IFT122: variants seen among roughly 807,000 people sequenced by gnomAD.
IFT122 encodes the protein intraflagellar transport protein 122 homolog.
In IFT122, 118 loss-of-function variants were observed where a neutral mutation model predicts 161.6. The ratio of observed to expected loss-of-function variants is 0.73; its 90% CI spans 0.63 to 0.85. The LOEUF is 0.85. Ranked by LOEUF, IFT122 falls within the 40% of genes least tolerant of loss-of-function variation. IFT122 has a pLI of 0.00. For missense variants in IFT122, 1,381 were observed against 1,579.6 expected, an observed-to-expected ratio of 0.87 and a Z score of 2.13; for synonymous variants, 550 against 602.4, an observed-to-expected ratio of 0.91 and a Z score of 1.27.
In IFT122 at chr3:129,454,513, T is replaced by TTGTGTGTGTGTGTGTGTGTG. The variant is rs61557048; in HGVS notation, c.193+2540_193+2559dup. 2.9e-4 allele frequency among the ~76,000 whole-genome samples: 38 copies of TTGTGTGTGTGTGTGTGTGTG among 131,274 alleles called. 1 individual carries two copies. Among genetic ancestry groups the TTGTGTGTGTGTGTGTGTGTG allele is most frequent in the African/African-American group, 1.1e-3 (35 of 32,992 alleles). 86.1% of individuals were successfully genotyped at this position (131,274 alleles called of 152,430 possible). ...GTGTGCTGTACCATGGTAGTCATAT[T>TTGTGTGTGTGTGTGTGTGTG]TGTGTGTGTGTGTGTGTGTGTGTGT... On this transcript the variant is annotated intron_variant, in intron 3 of 29. Coordinates refer to ENST00000348417, the MANE Select transcript of IFT122 (RefSeq NM_052989.3).
At chr3:129,462,199 T>C (rs1363148032) in intron 5 of IFT122, among the ~76,000 whole-genome samples, 1 of 152,246 alleles carries the variant, frequency 6.6e-6, no homozygotes, top group African/African-American at 2.4e-5. Context: ...ATTTTCTTCA[T>C]GTGAAGCACT....
chr3:129,499,918 G>A lies in IFT122; in HGVS notation c.2225G>A (p.Gly742Glu), dbSNP rs751777295. 1 of 1,614,142 alleles carries A rather than the reference G, an allele frequency of 6.2e-7. No homozygotes were observed. Among genetic ancestry groups the A allele is most frequent in the South Asian group, 1.1e-5 (1 of 91,080 alleles). Residue 742 changes from glycine to glutamate, a missense_variant, in exon 19 of 30, where the codon GGA becomes GAA. Physicochemically the swap from Gly to Glu is moderately conservative, Grantham distance 98. Around this residue, in one of 7 missense-constraint regions of IFT122, gnomAD observed 496 missense variants for 502.5 expected, o/e 0.99. Transcript: ENST00000348417. ...CTTCCTCAGGATTTCCTTGGATCTG[G>A]AGACCCCAAAGAAACAAAGATGCTA... ...FEYAKDFLGS[G>E]DPKETKMLIT... is the part of the protein sequence containing the mutation.
At chr3:129,473,504 T>G (rs2077584255) in intron 9 of IFT122, among the ~76,000 whole-genome samples, 1 of 152,236 alleles carries the variant, frequency 6.6e-6, no homozygotes, top group Non-Finnish European at 1.5e-5. Context: ...TGTATATATG[T>G]TTAAGCAGGC....
chr3:129,520,364 C>G lies in IFT122; in HGVS notation c.*99C>G. 2.0e-6 allele frequency: 2 copies of G among 995,672 alleles called. No homozygotes were observed. The highest frequency in any genetic ancestry group is 3.1e-6 in the Non-Finnish European group (2 of 652,682). 61.7% of individuals were successfully genotyped at this position (995,672 alleles called of 1,614,324 possible). ...TAAACTGTCAGAATGTGTTTCTTGC[C>G]CAGATGAAGTTTGTGTTTTGTGGGG... On this transcript the variant is annotated 3_prime_UTR_variant, in exon 30 of 30. Transcript: ENST00000348417.
In IFT122 at chr3:129,502,817, T is replaced by C. The variant is rs1298243007; in HGVS notation, c.2482T>C (p.Tyr828His). 10 of 1,613,220 alleles carry C rather than the reference T, an allele frequency of 6.2e-6. No individual in the cohort carries two copies. In the East Asian group the frequency reaches 8.9e-5, roughly 14 times the overall value. ...LDSPGYAAET[Y>H]LKMGDLKSLV... Reference sequence around the variant, plus strand: ...CAGCCCTGGCTATGCTGCTGAGACCTACCTGAAGATGGGTGACCTCAAGTC... The same window carrying C: ...CAGCCCTGGCTATGCTGCTGAGACCCACCTGAAGATGGGTGACCTCAAGTC... The change falls in exon 20 of 30, where the codon TAC becomes CAC. Residue 828 changes from tyrosine to histidine, a missense_variant. This residue lies in a region of IFT122 where 496 missense variants were observed against 502.5 expected (regional missense o/e 0.99). Coordinates refer to ENST00000348417, the MANE Select transcript of IFT122 (RefSeq NM_052989.3).
At chr3:129,498,631 T>C (rs1404921389) in intron 18 of IFT122, among the ~76,000 whole-genome samples, 4 of 152,140 alleles carry the variant, frequency 2.6e-5, no homozygotes, top group Non-Finnish European at 5.9e-5. Context: ...GAAAGCACAT[T>C]TACCCTGAAA....
At position 129,505,660 on chromosome 3, in the gene IFT122, A is replaced by G. The variant is rs551627036; in HGVS notation, c.2651-749A>G. Among the ~76,000 whole-genome samples, 9 of 152,360 alleles carry G rather than the reference A, an allele frequency of 5.9e-5. No individual in the cohort carries two copies. In the South Asian group the frequency reaches 1.7e-3, roughly 28 times the overall value. On this transcript the variant is annotated intron_variant, in intron 21 of 29. Coordinates refer to ENST00000348417, the MANE Select transcript of IFT122 (RefSeq NM_052989.3). ...TGAGTGCTCTCATATGGCAAGTGTC[A>G]TGGCTACAAGTGCTTCACTGGCAGC...
intron 16 of IFT122, among the ~76,000 whole-genome samples, chr3:129,489,127 A>G (rs2079703960): frequency 6.6e-6 from 1 of 152,096 alleles, no homozygotes; most frequent in Non-Finnish European, 1.5e-5. Context: ...CAGTCAATTA[A>G]TGAGCTGCTC....
At chr3:129,499,824 T>C (rs2081323345) in intron 18 of IFT122, 78 bp from the exon 19 acceptor site, 15 of 1,575,766 alleles carry the variant, frequency 9.5e-6, no homozygotes, top group Non-Finnish European at 1.3e-5. Flanking sequence ...AGCCCGCCCT[T>C]GCTGCTAGAA....
intron 24 of IFT122, 93 bp from the exon 25 acceptor site, chr3:129,514,296 C>G: frequency 7.1e-7 from 1 of 1,399,158 alleles, no homozygotes; most frequent in Non-Finnish European, 1.0e-6. Flanking sequence ...CCAGCACAAG[C>G]TGTGTTCCAG....
At chr3:129,479,644 C>T (rs919458014) in intron 12 of IFT122, 141 bp from the exon 13 acceptor site, 15 of 1,019,374 alleles carry the variant, frequency 1.5e-5, no homozygotes, top group South Asian at 9.4e-5. Flanking sequence ...CGATGCCAAT[C>T]GTGGGGTCTA....
chr3:129,454,513 TTGTGTGTGTGTGTG>T (rs61557048), intron 3 of IFT122, among the ~76,000 whole-genome samples: 40 of 131,278 alleles, frequency 3.0e-4, no homozygotes, highest in East Asian at 2.6e-3. Flanking sequence ...GTAGTCATAT[TTGTGTGTGTGTGTG>T]TGTGTGTGTG....
intron 3 of IFT122, chr3:129,456,034 G>GTACATGTGTACA: frequency 4.5e-6 from 2 of 448,732 alleles, no homozygotes; most frequent in Non-Finnish European, 9.0e-6. Context: ...TCAACTGTAT[G>GTACATGTGTACA]TACACATGTA....
At chr3:129,515,128 G>A (rs2083325630) in intron 25 of IFT122, 1 of 423,124 alleles carries the variant, frequency 2.4e-6, no homozygotes, top group East Asian at 5.1e-5. Flanking sequence ...ACAGGTAGTT[G>A]TGAGGCTAAA....
intron 15 of IFT122, among the ~76,000 whole-genome samples, chr3:129,487,092 G>T (rs2079379001): frequency 6.6e-6 from 1 of 152,206 alleles, no homozygotes; most frequent in Admixed American, 6.5e-5. Flanking sequence ...CCCAAATGGA[G>T]AAAACAATAC....
intron 27 of IFT122, among the ~76,000 whole-genome samples, chr3:129,518,516 C>T (rs1377646102): frequency 6.6e-6 from 1 of 152,198 alleles, no homozygotes; most frequent in East Asian, 1.9e-4. Flanking sequence ...GAAGGAAAGA[C>T]GGACCCATCT....
At chr3:129,460,796 G>T in intron 4 of IFT122, 1 of 1,424,316 alleles carries the variant, frequency 7.0e-7, no homozygotes, top group Non-Finnish European at 9.9e-7. Context: ...GAGACGCCTT[G>T]CATGGTACAT....
In IFT122 at chr3:129,465,124, TGTGTGTGTGTGTG is replaced by T. The variant is rs1408596493; in HGVS notation, c.563+344_563+356del. On this transcript the variant is annotated intron_variant, in intron 7 of 29. Coordinates refer to ENST00000348417, the MANE Select transcript of IFT122 (RefSeq NM_052989.3). ...GTGTACATGTATATGAGTGTGTGTG[TGTGTGTGTGTGTG>T]TGTGTGTGTGTGTGTGTGTGTGTGG... 1.3e-4 allele frequency among the ~76,000 whole-genome samples: 10 copies of T among 75,138 alleles called. No homozygotes were observed. The East Asian group carries it at 7.9e-3, about 59-fold the overall frequency. 49.3% of individuals were successfully genotyped at this position (75,138 alleles called of 152,430 possible).
intron 7 of IFT122, 133 bp downstream of exon 7, chr3:129,464,914 G>T: frequency 9.8e-7 from 1 of 1,017,242 alleles, no homozygotes; most frequent in Non-Finnish European, 1.5e-6. Context: ...TGTCCCATTT[G>T]TATGGATTTT....
Sources: allele counts gnomAD v4.1 joint callset (sites outside exome capture counted in the v4.1 genomes callset), GRCh38; gene constraint gnomAD v4.1.1; regional missense constraint gnomAD v4.1.1; transcripts MANE v1.5; gene names NCBI Gene and HGNC (gene_info 2026-07-23, HGNC 2026-07-21).